Variants in ZNF487 observed in about 807,000 individuals in gnomAD.
ZNF487 encodes the protein zinc finger protein 487, also known as KRAB domain only 1.
A neutral mutation model predicts 3.0 loss-of-function variants in ZNF487; 4 were observed. That is an observed-to-expected ratio of 1.35 (90% CI 0.66 to 3.08). The LOEUF is 3.08. Ranked by LOEUF, ZNF487 falls within the 30% of genes most tolerant of loss-of-function variation. The probability of loss-of-function intolerance (pLI) is 0.01; values close to 1 mark genes in which losing one functional copy is unlikely to be tolerated. For missense variants in ZNF487, 146 were observed against 98.7 expected (o/e 1.48, Z -2.03); for synonymous variants, 55 against 34.6 (o/e 1.59, Z -2.06).
the ZNF487 span, among the ~76,000 whole-genome samples, chr10:43,514,786 G>A: frequency 6.6e-6 from 1 of 152,160 alleles, no homozygotes; most frequent in Non-Finnish European, 1.5e-5. Flanking sequence ...CAATTAGAGG[G>A]CTCTTCAAAG....
At chr10:43,519,145 G>A in the ZNF487 span, among the ~76,000 whole-genome samples, 1 of 151,804 alleles carries the variant, frequency 6.6e-6, no homozygotes, top group African/African-American at 2.4e-5. Flanking sequence ...TGGACTCCTG[G>A]GCTCAAATGT....
chr10:43,441,889 C>T (rs972458735), intron 1 of ZNF487, among the ~76,000 whole-genome samples: 1 of 152,124 alleles, frequency 6.6e-6, no homozygotes, highest in African/African-American at 2.4e-5. Context: ...GCCCAGCCTT[C>T]CCCTGTCTTT....
the ZNF487 span, among the ~76,000 whole-genome samples, chr10:43,491,281 A>G: frequency 2.6e-5 from 4 of 151,574 alleles, no homozygotes; most frequent in East Asian, 3.9e-4. Flanking sequence ...TTCATTTTCC[A>G]TAAGTGAATA....
chr10:43,485,496 T>A (rs999969202), downstream of ZNF487, among the ~76,000 whole-genome samples: 8 of 152,188 alleles, frequency 5.3e-5, no homozygotes, highest in African/African-American at 9.7e-5. Context: ...CTTTTTGCAC[T>A]CTGTATGGGC....
At chr10:43,512,397 A>G in the ZNF487 span, among the ~76,000 whole-genome samples, 1 of 152,182 alleles carries the variant, frequency 6.6e-6, no homozygotes, top group South Asian at 2.1e-4. Context: ...GCTGCTGCGC[A>G]TGACCCACTT....
intron 1 of ZNF487, among the ~76,000 whole-genome samples, chr10:43,439,686 AGAGT>A (rs1177475475): frequency 6.6e-6 from 1 of 152,176 alleles, no homozygotes; most frequent in Non-Finnish European, 1.5e-5. Flanking sequence ...CCTGGGTGAC[AGAGT>A]GAGACTCCAT....
the ZNF487 span, among the ~76,000 whole-genome samples, chr10:43,490,686 T>G: frequency 6.8e-6 from 1 of 147,084 alleles, no homozygotes; most frequent in Non-Finnish European, 1.5e-5. Flanking sequence ...ATTTTTTTTT[T>G]TTTTTGAGAT....
At chr10:43,437,031 A>G (rs2244396), upstream of ZNF487, 354,957 of 355,704 alleles carry the variant, frequency 1, 177,111 homozygotes, top group East Asian at 1. Context: ...GGGAGCAGCA[A>G]GGCTTCCGGA....
chr10:43,452,148 A>G (rs1251091612), intron 1 of ZNF487: 2 of 152,170 alleles, frequency 1.3e-5, no homozygotes, highest in African/African-American at 4.8e-5. Flanking sequence ...ATGTAAATGT[A>G]GTTTTTATGA....
intron 3 of ZNF487, 84 bp from the exon 4 acceptor site, chr10:43,481,345 A>C (rs916254583): frequency 3.7e-5 from 23 of 622,236 alleles, no homozygotes; most frequent in African/African-American, 1.9e-4. Flanking sequence ...AAAAAAAAAG[A>C]AAAAAAAAGC....
the ZNF487 span, among the ~76,000 whole-genome samples, chr10:43,508,430 G>A: frequency 6.6e-6 from 1 of 152,290 alleles, no homozygotes; most frequent in Admixed American, 6.5e-5. Context: ...GGTGGACATG[G>A]AATCAGTGAG....
At chr10:43,517,870 G>T in the ZNF487 span, among the ~76,000 whole-genome samples, 6 of 152,142 alleles carry the variant, frequency 3.9e-5, no homozygotes, top group African/African-American at 1.2e-4. Flanking sequence ...GGATCCCTGT[G>T]AGATTAACTG....
chr10:43,455,154 G>A (rs1840136811), intron 1 of ZNF487, among the ~76,000 whole-genome samples: 1 of 151,598 alleles, frequency 6.6e-6, no homozygotes, highest in African/African-American at 2.4e-5. Context: ...AACTATAGGC[G>A]CCCGCCACCA....
At chr10:43,484,975 A>C (rs1841459260), downstream of ZNF487, among the ~76,000 whole-genome samples, 1 of 152,248 alleles carries the variant, frequency 6.6e-6, no homozygotes, top group African/African-American at 2.4e-5. Context: ...TTGCATGTCT[A>C]AGCTCAACAC....
intron 1 of ZNF487, among the ~76,000 whole-genome samples, chr10:43,442,637 G>A (rs1462045906): frequency 6.6e-6 from 1 of 152,180 alleles, no homozygotes; most frequent in Admixed American, 6.6e-5. Flanking sequence ...TAGAGATGGG[G>A]TTTCACCATC....
At chr10:43,523,233 C>T in the ZNF487 span, 1 of 152,228 alleles carries the variant, frequency 6.6e-6, no homozygotes, top group African/African-American at 2.4e-5. Context: ...AAACTATTCT[C>T]ATTTCTAGAA....
intron 1 of ZNF487, chr10:43,451,993 A>C (rs1467059918): frequency 1.3e-5 from 2 of 152,242 alleles, no homozygotes. Context: ...GAGGAGCAGG[A>C]AACCTGCATG....
intron 1 of ZNF487, among the ~76,000 whole-genome samples, chr10:43,455,410 A>C (rs915007742): frequency 6.6e-6 from 1 of 152,146 alleles, no homozygotes; most frequent in Non-Finnish European, 1.5e-5. Context: ...ACTACCAACC[A>C]CCACATCACT....
At chr10:43,504,751 G>T in the ZNF487 span, among the ~76,000 whole-genome samples, 4 of 150,900 alleles carry the variant, frequency 2.7e-5, no homozygotes, top group African/African-American at 4.9e-5. Flanking sequence ...GTGTTGCCCA[G>T]GCTGGAGTGC....
Sources: gnomAD v4.1 joint callset for allele counts (sites outside exome capture counted in the v4.1 genomes callset) on GRCh38, gnomAD v4.1.1 for gene constraint, MANE v1.5 for transcripts, NCBI Gene and HGNC (gene_info 2026-07-23, HGNC 2026-07-21) for gene names.